Variants in C12orf42 observed in about 807,000 individuals in gnomAD.
C12orf42 encodes uncharacterized protein C12orf42.
In C12orf42, 25 loss-of-function variants were observed where a neutral mutation model predicts 21.6. That is an observed-to-expected ratio of 1.16 (90% CI 0.84 to 1.62). The LOEUF (loss-of-function observed/expected upper bound fraction) is 1.62, where lower values mean the gene tolerates loss of function less well. Ranked by LOEUF, C12orf42 falls within the 40% of genes most tolerant of loss-of-function variation. C12orf42 has a pLI of 0.00. For missense variants in C12orf42, 483 were observed against 459.3 expected, an observed-to-expected ratio of 1.05 and a Z score of -0.47; for synonymous variants, 174 against 175.0, an observed-to-expected ratio of 0.99 and a Z score of 0.05.
chr12:103,351,246 T>C (rs904165033), intron 4 of C12orf42, among the ~76,000 whole-genome samples: 2 of 152,140 alleles, frequency 1.3e-5, no homozygotes, highest in Non-Finnish European at 2.9e-5. Flanking sequence ...CACCAAGCAA[T>C]CAAATGTAGC....
At chr12:103,377,442 G>C (rs1033983834) in intron 3 of C12orf42, among the ~76,000 whole-genome samples, 2 of 151,972 alleles carry the variant, frequency 1.3e-5, no homozygotes, top group African/African-American at 4.8e-5. Context: ...GTCAGAATGG[G>C]AAAGGCTTTC....
chr12:103,251,383 A>T (rs1291168799), intron 10 of C12orf42, among the ~76,000 whole-genome samples: 5 of 152,120 alleles, frequency 3.3e-5, no homozygotes, highest in Non-Finnish European at 7.4e-5. Flanking sequence ...ACAAACTTTA[A>T]TGCCCAGCTC....
chr12:103,432,004 G>A (rs1458834839), intron 2 of C12orf42, among the ~76,000 whole-genome samples: 1 of 152,190 alleles, frequency 6.6e-6, no homozygotes, highest in Non-Finnish European at 1.5e-5. Flanking sequence ...GAGAGATCAA[G>A]TGCACAGTTT....
chr12:103,288,081 G>A (rs2036584242), intron 4 of C12orf42, among the ~76,000 whole-genome samples: 1 of 152,186 alleles, frequency 6.6e-6, no homozygotes, highest in African/African-American at 2.4e-5. Flanking sequence ...AAGGGCAGCA[G>A]TGAAAGGCCC....
the C12orf42 span, among the ~76,000 whole-genome samples, chr12:103,518,731 T>C: frequency 3.5e-4 from 54 of 152,320 alleles, 1 homozygote; most frequent in Admixed American, 3.3e-3. Flanking sequence ...CAATCTATCT[T>C]TTTTAATCCG....
At chr12:103,369,283 G>A (rs986240196) in intron 3 of C12orf42, among the ~76,000 whole-genome samples, 5 of 151,832 alleles carry the variant, frequency 3.3e-5, no homozygotes, top group African/African-American at 1.2e-4. Flanking sequence ...TATTATTCTA[G>A]ACAGTGGGGA....
chr12:103,529,675 T>G, the C12orf42 span, among the ~76,000 whole-genome samples: 4 of 152,196 alleles, frequency 2.6e-5, no homozygotes, highest in Admixed American at 6.5e-5. Context: ...TGAGTTCTGC[T>G]CTTCAGAAAC....
chr12:103,545,579 T>C, the C12orf42 span, among the ~76,000 whole-genome samples: 1 of 152,194 alleles, frequency 6.6e-6, no homozygotes. Context: ...TTCTTCCAAA[T>C]TTGTAAACGT....
intron 3 of C12orf42, among the ~76,000 whole-genome samples, chr12:103,396,105 C>T (rs551984931): frequency 6.6e-6 from 1 of 151,040 alleles, no homozygotes; most frequent in Non-Finnish European, 1.5e-5. Flanking sequence ...ATAGTTATAA[C>T]ATAATAGTTG....
intron 4 of C12orf42, among the ~76,000 whole-genome samples, chr12:103,351,654 A>C (rs948535032): frequency 6.6e-6 from 1 of 152,034 alleles, no homozygotes; most frequent in African/African-American, 2.4e-5. Context: ...TCAGACCAAG[A>C]AGAAGTCGGG....
At chr12:103,174,076 A>G in the C12orf42 span, among the ~76,000 whole-genome samples, 1 of 152,222 alleles carries the variant, frequency 6.6e-6, no homozygotes, top group Non-Finnish European at 1.5e-5. Flanking sequence ...TGACTAATAA[A>G]TGCTACAGTT....
At chr12:103,223,695 GT>G in the C12orf42 span, among the ~76,000 whole-genome samples, 9 of 152,150 alleles carry the variant, frequency 5.9e-5, no homozygotes, top group African/African-American at 2.2e-4. Flanking sequence ...GGGATGACAA[GT>G]TTTTTGGGGC....
At chr12:103,345,985 G>A (rs1488120286) in intron 4 of C12orf42, among the ~76,000 whole-genome samples, 3 of 152,144 alleles carry the variant, frequency 2.0e-5, no homozygotes, top group East Asian at 3.8e-4. Context: ...GTTTTGTCAA[G>A]TTATGGAAAT....
intron 2 of C12orf42, among the ~76,000 whole-genome samples, chr12:103,453,577 ATCTT>A (rs1487044227): frequency 6.6e-6 from 1 of 151,936 alleles, no homozygotes; most frequent in Non-Finnish European, 1.5e-5. Context: ...TTCTGCTCTT[ATCTT>A]TATCTCTCCC....
chr12:103,144,833 G>C, the C12orf42 span, among the ~76,000 whole-genome samples: 1 of 152,136 alleles, frequency 6.6e-6, no homozygotes, highest in Admixed American at 6.6e-5. Flanking sequence ...GATACTGCTT[G>C]GGATGACTAG....
downstream of C12orf42, among the ~76,000 whole-genome samples, chr12:103,236,521 CT>C (rs2136153338): frequency 1.3e-5 from 2 of 152,292 alleles, no homozygotes; most frequent in Non-Finnish European, 2.9e-5. Flanking sequence ...GTTCACTAAA[CT>C]GCAAACCTGA....
chr12:103,330,260 C>T (rs2041126644), intron 4 of C12orf42, among the ~76,000 whole-genome samples: 2 of 152,232 alleles, frequency 1.3e-5, no homozygotes, highest in African/African-American at 2.4e-5. Context: ...CCAGATGAAC[C>T]TGTGTACAAA....
intron 4 of C12orf42, among the ~76,000 whole-genome samples, chr12:103,322,101 ACGCGCGTGCGTGCGCG>A (rs915247067): frequency 8.7e-6 from 1 of 115,356 alleles, no homozygotes; most frequent in Non-Finnish European, 1.7e-5. Context: ...TCAGATGTGC[ACGCGCGTGCGTGCGCG>A]CGCGCGCGCA....
chr12:103,538,708 TG>T, the C12orf42 span, among the ~76,000 whole-genome samples: 1 of 152,262 alleles, frequency 6.6e-6, no homozygotes, highest in Non-Finnish European at 1.5e-5. Context: ...AAGCTAGTAA[TG>T]GCTTTTCTGG....
Sources: allele counts gnomAD v4.1 joint callset (sites outside exome capture counted in the v4.1 genomes callset), GRCh38; gene constraint gnomAD v4.1.1; transcripts MANE v1.5; gene names NCBI Gene and HGNC (gene_info 2026-07-23, HGNC 2026-07-21).